ZDHHC5: variants seen among roughly 807,000 people sequenced by gnomAD.
The protein encoded by ZDHHC5 is zDHHC palmitoyltransferase 5.
Under a neutral mutation model 70.0 loss-of-function variants are expected in ZDHHC5, and 22 were observed. That is an observed-to-expected ratio of 0.31 (90% CI 0.22 to 0.45). The LOEUF (loss-of-function observed/expected upper bound fraction) is 0.45. Among genes scored for constraint, ZDHHC5 ranks in the 20% least tolerant of loss-of-function variants. The probability of loss-of-function intolerance (pLI) is 1.00; values close to 1 mark genes in which losing one functional copy is unlikely to be tolerated. For synonymous variants in ZDHHC5, 313 were observed against 347.8 expected (o/e 0.90, Z 1.11); for missense variants, 746 against 926.9 (o/e 0.80, Z 2.53).
At chr11:57,690,292 G>A (rs888901001) in intron 5 of ZDHHC5, 43 bp from the exon 6 acceptor site, 8 of 1,613,856 alleles carry the variant, frequency 5.0e-6, no homozygotes, top group Non-Finnish European at 6.8e-6. Flanking sequence ...GCCGGGGAAA[G>A]TGAGGTCATG....
rs755926737 is a variant in ZDHHC5 at position 57,673,150 on chromosome 11, C to T, written c.60C>T (p.Ala20=). Residue 20 remains alanine, a synonymous_variant, in exon 2 of 12, where the codon GCC becomes GCT. Coordinates refer to ENST00000287169, the MANE Select transcript of ZDHHC5 (RefSeq NM_015457.3). The stretch of plus-strand genomic sequence containing the variant: ...GCAAGTATGTCCCGGTCTCTGCAGC[C>T]GCCATCTTCCTAGTGGGAGCTACGA... The part of the protein sequence containing the change: ...KPSKYVPVSA[A]AIFLVGATTL... The T allele has an allele frequency of 5.6e-6, 9 of 1,613,822 alleles. No homozygotes were observed. Among genetic ancestry groups the T allele is most frequent in the African/African-American group, 1.3e-5 (1 of 74,906 alleles).
At chr11:57,671,100 G>A (rs763659769) in intron 1 of ZDHHC5, among the ~76,000 whole-genome samples, 102 of 152,194 alleles carry the variant, frequency 6.7e-4, no homozygotes, top group Non-Finnish European at 1.1e-3. Context: ...AAGGGTTTGT[G>A]TCACCAGAGG....
intron 1 of ZDHHC5, among the ~76,000 whole-genome samples, chr11:57,669,682 C>T (rs1245655317): frequency 6.6e-6 from 1 of 152,220 alleles, no homozygotes; most frequent in East Asian, 1.9e-4. Flanking sequence ...TGGTCTCGAA[C>T]TCCTGACCTC....
intron 10 of ZDHHC5, among the ~76,000 whole-genome samples, 196 bp from the exon 11 acceptor site, chr11:57,698,363 T>C (rs998707645): frequency 1.3e-5 from 2 of 152,210 alleles, no homozygotes; most frequent in East Asian, 3.8e-4. Context: ...TTTCTACGTC[T>C]TGCTTTCTGT....
At position 57,700,535 on chromosome 11, in the gene ZDHHC5, G is replaced by C. The variant is rs1946429629; in HGVS notation, c.*504G>C. 6.6e-6 allele frequency: 1 copy of C among 152,276 alleles called. No homozygotes were observed. The highest frequency in any genetic ancestry group is 1.9e-4 in the East Asian group (1 of 5,184). The allele number at this position is 152,276 out of a possible 1,614,324, so 9.4% of individuals were successfully genotyped here. On this transcript the variant is annotated 3_prime_UTR_variant, in exon 12 of 12. Transcript: ENST00000287169. ...ACTCTTCCCATTCCTCAGACCAGCA[G>C]GAAAAGAGGGGAGACGTCAGTCTTT... is the stretch of plus-strand genomic sequence containing the variant.
At chr11:57,695,806 A>C in intron 8 of ZDHHC5, 114 bp from the exon 9 acceptor site, 1 of 1,424,898 alleles carries the variant, frequency 7.0e-7, no homozygotes, top group Non-Finnish European at 9.2e-7. Flanking sequence ...AAAAAAAAAA[A>C]AAAAATACAT....
chr11:57,699,657 T>C (rs533645928), intron 11 of ZDHHC5, among the ~76,000 whole-genome samples: 3 of 152,360 alleles, frequency 2.0e-5, no homozygotes, highest in Admixed American at 1.3e-4. Flanking sequence ...AGTAAGTACA[T>C]GTGATAGCTG....
chr11:57,681,642 T>C (rs1171397877), intron 2 of ZDHHC5: 1 of 152,238 alleles, frequency 6.6e-6, no homozygotes, highest in Non-Finnish European at 1.5e-5. Flanking sequence ...AATTGTTTTT[T>C]TGATCAAGAA....
chr11:57,687,049 T>A (rs552087114), intron 3 of ZDHHC5, among the ~76,000 whole-genome samples: 4 of 152,106 alleles, frequency 2.6e-5, no homozygotes, highest in African/African-American at 4.8e-5. Flanking sequence ...CAGGCTGGTC[T>A]TGAACTCCTG....
intron 4 of ZDHHC5, 65 bp downstream of exon 4, chr11:57,688,730 A>G (rs1312947795): frequency 1.4e-6 from 2 of 1,480,682 alleles, no homozygotes; most frequent in African/African-American, 1.4e-5. Flanking sequence ...TAACCATATA[A>G]TAGATTCTTA....
chr11:57,685,610 T>C (rs1471268823), intron 3 of ZDHHC5, among the ~76,000 whole-genome samples: 2 of 150,852 alleles, frequency 1.3e-5, no homozygotes, highest in Non-Finnish European at 3.0e-5. Flanking sequence ...GATTGCCCCA[T>C]TGCACTCTAG....
At chr11:57,670,614 G>C (rs1456361223) in intron 1 of ZDHHC5, among the ~76,000 whole-genome samples, 1 of 152,144 alleles carries the variant, frequency 6.6e-6, no homozygotes, top group Non-Finnish European at 1.5e-5. Flanking sequence ...GGACTAGAGA[G>C]GATTTATGTT....
rs139645947 is a variant in ZDHHC5 at position 57,685,921 on chromosome 11, G to A, written c.227-2587G>A. Among the ~76,000 whole-genome samples, 1,046 of 152,266 alleles carry A rather than the reference G, an allele frequency of 6.9e-3. 18 individuals carry two copies. The highest frequency in any genetic ancestry group is 0.041 in the East Asian group (210 of 5,184). ...GCATGCCTGTAATCCCAGCTACTCG[G>A]GAGGCTGAGGCAGGAGAATCGCTTG... is the stretch of plus-strand genomic sequence containing the variant. On this transcript the variant is annotated intron_variant, in intron 3 of 11. Coordinates refer to ENST00000287169, the MANE Select transcript of ZDHHC5 (RefSeq NM_015457.3).
chr11:57,675,685 C>CT (rs2135379943), intron 2 of ZDHHC5, among the ~76,000 whole-genome samples: 1 of 152,326 alleles, frequency 6.6e-6, no homozygotes, highest in African/African-American at 2.4e-5. Flanking sequence ...CACAAACACA[C>CT]TGTTTATCTT....
chr11:57,672,866 TTCA>T lies in ZDHHC5; in HGVS notation c.-220_-218del, dbSNP rs1343313577. On this transcript the variant is annotated 5_prime_UTR_variant, in exon 2 of 12. Coordinates refer to ENST00000287169, the MANE Select transcript of ZDHHC5 (RefSeq NM_015457.3). ...CTGCCTTGTTCTGGGGAGGTGGTTA[TTCA>T]TCATTTGGAATCACCTTTCCCCCTC... 1.8e-5 allele frequency: 9 copies of T among 495,130 alleles called. No homozygotes were observed. The East Asian group carries it at 2.9e-4, about 16-fold the overall frequency. The allele number at this position is 495,130 out of a possible 1,614,324, so 30.7% of individuals were successfully genotyped here. A position where few individuals can be genotyped will look rare whatever the true frequency, so the allele number is the denominator to read the frequency against.
Position 57,690,330 on chromosome 11 carries a change from A to G in ZDHHC5, c.558-5A>G, listed in dbSNP as rs183197204. 357 of 1,614,126 alleles carry G rather than the reference A, an allele frequency of 2.2e-4. 5 individuals are homozygous for G. In the East Asian group the frequency reaches 5.8e-3, roughly 26 times the overall value. On this transcript the variant is annotated splice_polypyrimidine_tract_variant and splice_region_variant and intron_variant, in intron 5 of 11. Transcript: ENST00000287169. ...GCTCTGTTCTCCTTGATTGTTTGGCATCAGAATGGCAGTAATGTGTGTGGC... is the reference window on the plus strand; with the variant it reads ...GCTCTGTTCTCCTTGATTGTTTGGCGTCAGAATGGCAGTAATGTGTGTGGC...
chr11:57,683,010 T>C (rs1454589125), intron 3 of ZDHHC5, among the ~76,000 whole-genome samples: 2 of 152,080 alleles, frequency 1.3e-5, no homozygotes, highest in East Asian at 3.9e-4. Context: ...CCCAAATAAA[T>C]TGGGGAAATG....
intron 3 of ZDHHC5, among the ~76,000 whole-genome samples, chr11:57,685,951 C>T (rs917625675): frequency 5.9e-5 from 9 of 151,786 alleles, no homozygotes; most frequent in South Asian, 2.1e-4. Flanking sequence ...CGCTTGAACC[C>T]GGGAGGTGGA....
chr11:57,693,397 T>TA (rs1388983320), intron 7 of ZDHHC5, among the ~76,000 whole-genome samples: 1 of 152,166 alleles, frequency 6.6e-6, no homozygotes, highest in Non-Finnish European at 1.5e-5. Flanking sequence ...GCCCACTGCT[T>TA]ACCTCCTGCT....
Sources: allele counts gnomAD v4.1 joint callset (sites outside exome capture counted in the v4.1 genomes callset), GRCh38; gene constraint gnomAD v4.1.1; transcripts MANE v1.5; gene names NCBI Gene and HGNC (gene_info 2026-07-23, HGNC 2026-07-21).